Variants in BRAF observed in about 807,000 individuals in gnomAD.
The protein encoded by BRAF is B-Raf proto-oncogene, serine/threonine kinase, also known as serine/threonine-protein kinase B-raf.
A neutral mutation model predicts 104.6 loss-of-function variants in BRAF; 16 were observed. The ratio of observed to expected loss-of-function variants is 0.15; its 90% CI spans 0.10 to 0.23. The LOEUF (loss-of-function observed/expected upper bound fraction) is 0.23. Ranked by LOEUF, BRAF falls within the 10% of genes least tolerant of loss-of-function variation. The pLI, the probability that BRAF is intolerant of heterozygous loss-of-function variation, is 1.00. For missense variants in BRAF, 541 were observed against 937.3 expected, an observed-to-expected ratio of 0.58 and a Z score of 5.52; for synonymous variants, 310 against 341.6, an observed-to-expected ratio of 0.91 and a Z score of 1.02.
chr7:140,849,791 GAC>G (rs1808958317), intron 2 of BRAF, among the ~76,000 whole-genome samples: 1 of 151,630 alleles, frequency 6.6e-6, no homozygotes, highest in Non-Finnish European at 1.5e-5. Flanking sequence ...CAGCCTGGGC[GAC>G]AGAGCGAGAC....
At chr7:140,832,446 CTGTTAA>C (rs1437422602) in intron 3 of BRAF, among the ~76,000 whole-genome samples, 5 of 152,050 alleles carry the variant, frequency 3.3e-5, no homozygotes, top group African/African-American at 1.2e-4. Context: ...CAAATAGTAA[CTGTTAA>C]TGTTAATAAG....
At chr7:140,858,251 A>G (rs1463791412) in intron 1 of BRAF, among the ~76,000 whole-genome samples, 3 of 152,212 alleles carry the variant, frequency 2.0e-5, no homozygotes, top group Non-Finnish European at 4.4e-5. Context: ...GATGTGATAC[A>G]ACATGAGACA....
intron 5 of BRAF, among the ~76,000 whole-genome samples, chr7:140,801,999 C>CA (rs1204904788): frequency 2.6e-5 from 4 of 151,902 alleles, no homozygotes; most frequent in African/African-American, 9.7e-5. Flanking sequence ...ATAGAAGAAC[C>CA]AAAAAACTAC....
intron 2 of BRAF, among the ~76,000 whole-genome samples, chr7:140,838,409 G>A (rs1479933549): frequency 6.6e-6 from 1 of 152,054 alleles, no homozygotes; most frequent in Non-Finnish European, 1.5e-5. Context: ...TGATAACCTG[G>A]GAGGCGGAGG....
At chr7:140,746,425 T>A (rs183311961) in intron 17 of BRAF, among the ~76,000 whole-genome samples, 64 of 152,170 alleles carry the variant, frequency 4.2e-4, no homozygotes, top group African/African-American at 1.5e-3. Flanking sequence ...TGAATAAAGG[T>A]AAAAAGGCAC....
intron 1 of BRAF, among the ~76,000 whole-genome samples, chr7:140,883,781 T>A (rs1034906844): frequency 6.6e-6 from 1 of 152,230 alleles, no homozygotes; most frequent in African/African-American, 2.4e-5. Context: ...TAAAAAGAAT[T>A]ACCATTTTAT....
At chr7:140,865,202 C>T (rs1229248810) in intron 1 of BRAF, among the ~76,000 whole-genome samples, 1 of 152,020 alleles carries the variant, frequency 6.6e-6, no homozygotes, top group Non-Finnish European at 1.5e-5. Flanking sequence ...GCCTCAGCCT[C>T]CCAAGTAGCT....
In BRAF at chr7:140,852,517, A is replaced by AT. The variant is rs751033148; in HGVS notation, c.139-2306dup. 2.6e-5 allele frequency among the ~76,000 whole-genome samples: 4 copies of AT among 152,276 alleles called. No individual in the cohort carries two copies. In the East Asian group the frequency reaches 5.8e-4, roughly 22 times the overall value. On this transcript the variant is annotated intron_variant, in intron 1 of 19. Coordinates refer to ENST00000644969, the MANE Select transcript of BRAF (RefSeq NM_001374258.1). The stretch of plus-strand genomic sequence containing the variant: ...GCATATTAAAGTCTGAGAAGCAGTG[A>AT]TAGAGGTTCCAAATTGTTTTTCCAG...
chr7:140,772,313 C>CAAT (rs1460320554), intron 14 of BRAF, among the ~76,000 whole-genome samples: 7 of 139,216 alleles, frequency 5.0e-5, no homozygotes, highest in African/African-American at 1.8e-4. Flanking sequence ...ACAACAACAA[C>CAAT]AAAGTTCAAT....
In BRAF at chr7:140,722,395, T is replaced by C; in HGVS notation, c.*4099A>G. 1 of 1,054,058 alleles carries C rather than the reference T, an allele frequency of 9.5e-7. No individual in the cohort carries two copies. Among genetic ancestry groups the C allele is most frequent in the Non-Finnish European group, 1.1e-6 (1 of 872,278 alleles). The allele number at this position is 1,054,058 out of a possible 1,614,324, so 65.3% of individuals were successfully genotyped here. ...GCTCTCTTCACAAATCACTGATTTC[T>C]GCTAAAATGTTAGCTTTTTTATTGC... On this transcript the variant is annotated 3_prime_UTR_variant, in exon 20 of 20. Coordinates refer to ENST00000644969, the MANE Select transcript of BRAF (RefSeq NM_001374258.1).
intron 17 of BRAF, among the ~76,000 whole-genome samples, chr7:140,741,930 G>C (rs1442332978): frequency 4.0e-5 from 6 of 151,322 alleles, no homozygotes; most frequent in Non-Finnish European, 8.8e-5. Flanking sequence ...CTATACTCCA[G>C]ACTGGCCAAC....
At chr7:140,760,169 T>G (rs909238096) in intron 14 of BRAF, among the ~76,000 whole-genome samples, 1 of 152,154 alleles carries the variant, frequency 6.6e-6, no homozygotes, top group Non-Finnish European at 1.5e-5. Flanking sequence ...TTCCAGCACT[T>G]TGGGATGCCG....
chr7:140,807,888 C>G, intron 5 of BRAF, 72 bp downstream of exon 5: 1 of 1,235,898 alleles, frequency 8.1e-7, no homozygotes, highest in Non-Finnish European at 1.2e-6. Flanking sequence ...ATTTCACATT[C>G]CCTAAATAAA....
rs1328337958 is a variant in BRAF at position 140,801,576 on chromosome 7, TCA to T, written c.712-18_712-17del. ...TTTTTCGTACCTGCAAAGTAAAAAA[TCA>T]CAGAGATTTCAAAAACTCACAAGAA... On this transcript the variant is annotated splice_polypyrimidine_tract_variant and intron_variant, in intron 5 of 19. Coordinates refer to ENST00000644969, the MANE Select transcript of BRAF (RefSeq NM_001374258.1). 15 of 1,608,138 alleles carry T rather than the reference TCA, an allele frequency of 9.3e-6. No homozygotes were observed. The highest frequency in any genetic ancestry group is 2.3e-5 in the East Asian group (1 of 44,328).
At chr7:140,821,294 A>ATTTT (rs58690200) in intron 3 of BRAF, among the ~76,000 whole-genome samples, 1 of 73,928 alleles carries the variant, frequency 1.4e-5, no homozygotes, top group Non-Finnish European at 2.6e-5. Context: ...TCTGAATTAC[A>ATTTT]TTTTTTTTTT....
chr7:140,883,054 C>T (rs13437830), intron 1 of BRAF, among the ~76,000 whole-genome samples: 4,178 of 149,678 alleles, frequency 0.028, 206 homozygotes, highest in African/African-American at 0.097. Flanking sequence ...AAATAAAGGA[C>T]CTATCTTCTT....
rs149242211 is a variant in BRAF at position 140,912,509 on chromosome 7, C to T, written c.138+12057G>A. 3.9e-5 allele frequency among the ~76,000 whole-genome samples: 6 copies of T among 152,258 alleles called. No homozygotes were observed. In the East Asian group the frequency reaches 7.7e-4, roughly 20 times the overall value. On this transcript the variant is annotated intron_variant, in intron 1 of 19. Transcript: ENST00000644969. ...CAATTCTTCTCTCTCCCTCCTGAAA[C>T]GTTTTACTCTCTAATGGCTCATTCC...
intron 1 of BRAF, among the ~76,000 whole-genome samples, chr7:140,862,290 T>C (rs1291838613): frequency 2.0e-5 from 3 of 151,966 alleles, no homozygotes; most frequent in African/African-American, 7.3e-5. Context: ...AGTAGTGATA[T>C]GTAACACAAA....
intron 5 of BRAF, among the ~76,000 whole-genome samples, chr7:140,806,153 T>TA (rs555333511): frequency 1.2e-3 from 178 of 152,306 alleles, no homozygotes; most frequent in African/African-American, 4.1e-3. Context: ...ACATGCTTTC[T>TA]TGCTCTTCCC....
Sources: gnomAD v4.1 joint callset for allele counts (sites outside exome capture counted in the v4.1 genomes callset) on GRCh38, gnomAD v4.1.1 for gene constraint, MANE v1.5 for transcripts, NCBI Gene and HGNC (gene_info 2026-07-23, HGNC 2026-07-21) for gene names.